The following WDFY1 variants were observed in gnomAD, a reference collection of about 807,000 sequenced individuals.
WDFY1 encodes the protein WD repeat and FYVE domain-containing protein 1.
A neutral mutation model predicts 56.4 loss-of-function variants in WDFY1; 32 were observed. The observed-to-expected ratio is 0.57, with a 90% confidence interval of 0.43 to 0.76. The LOEUF (loss-of-function observed/expected upper bound fraction) is 0.76, where lower values mean the gene tolerates loss of function less well. WDFY1 is among the 30% of genes least tolerant of loss of function. The pLI, the probability that WDFY1 is intolerant of heterozygous loss-of-function variation, is 0.00. For synonymous variants in WDFY1, 192 were observed against 197.3 expected (o/e 0.97, Z 0.23); for missense variants, 480 against 545.7 (o/e 0.88, Z 1.20).
chr2:223,880,489 C>T (rs764891306), intron 10 of WDFY1, among the ~76,000 whole-genome samples: 1 of 151,854 alleles, frequency 6.6e-6, no homozygotes, highest in African/African-American at 2.4e-5. Flanking sequence ...CGCCTGTAAT[C>T]CCAGCTACTC....
chr2:223,881,632 C>A (rs647849), intron 10 of WDFY1, among the ~76,000 whole-genome samples: 136,442 of 151,944 alleles, frequency 0.9, 61,652 homozygotes, highest in South Asian at 0.96. Context: ...TCTACTAAAA[C>A]TACAAAAATT....
intron 1 of WDFY1, among the ~76,000 whole-genome samples, chr2:223,932,413 C>T (rs1279911743): frequency 6.6e-6 from 1 of 152,134 alleles, no homozygotes; most frequent in Non-Finnish European, 1.5e-5. Context: ...TGAGCCATGG[C>T]GCCGGGTCGA....
intron 1 of WDFY1, among the ~76,000 whole-genome samples, chr2:223,941,711 G>A (rs556253295): frequency 6.6e-6 from 1 of 152,304 alleles, no homozygotes; most frequent in Non-Finnish European, 1.5e-5. Flanking sequence ...ACAGGCGTGA[G>A]CCACCTTGCC....
chr2:223,893,116 T>C (rs971431049), intron 8 of WDFY1, among the ~76,000 whole-genome samples: 1 of 152,194 alleles, frequency 6.6e-6, no homozygotes, highest in Non-Finnish European at 1.5e-5. Context: ...AGAATGTATA[T>C]ATCCTTGGAC....
At chr2:223,881,152 C>A (rs1693063821) in intron 10 of WDFY1, among the ~76,000 whole-genome samples, 1 of 152,180 alleles carries the variant, frequency 6.6e-6, no homozygotes, top group African/African-American at 2.4e-5. Flanking sequence ...GTCTTACACA[C>A]AAAGAGCAAT....
intron 1 of WDFY1, among the ~76,000 whole-genome samples, chr2:223,918,962 C>G (rs564354902): frequency 2.4e-4 from 36 of 152,332 alleles, no homozygotes; most frequent in South Asian, 1.7e-3. Context: ...TGTGCCCATG[C>G]AGGAAAATGA....
At chr2:223,901,092 T>C (rs1480116594) in intron 5 of WDFY1, 91 bp downstream of exon 5, 2 of 1,461,168 alleles carry the variant, frequency 1.4e-6, no homozygotes, top group East Asian at 2.4e-5. Flanking sequence ...TCATTCAGTC[T>C]TTAGATCTCA....
intron 1 of WDFY1, among the ~76,000 whole-genome samples, chr2:223,942,849 TAA>T (rs1447661011): frequency 6.6e-6 from 1 of 150,618 alleles, no homozygotes; most frequent in Non-Finnish European, 1.5e-5. Context: ...GGCTAACTTT[TAA>T]AGAGTGTTGT....
At chr2:223,894,895 T>C (rs752891132) in intron 7 of WDFY1, among the ~76,000 whole-genome samples, 2 of 152,182 alleles carry the variant, frequency 1.3e-5, no homozygotes, top group Non-Finnish European at 2.9e-5. Context: ...TCAGCTAATT[T>C]TCAGCTTGAC....
At chr2:223,932,844 T>C (rs1357337223) in intron 1 of WDFY1, among the ~76,000 whole-genome samples, 4 of 145,320 alleles carry the variant, frequency 2.8e-5, no homozygotes, top group Non-Finnish European at 6.0e-5. Context: ...TTTCCTAGTC[T>C]GACAGTACCT....
chr2:223,894,450 CCACT>C, intron 7 of WDFY1, 111 bp from the exon 8 acceptor site: 3 of 999,686 alleles, frequency 3.0e-6, no homozygotes, highest in Non-Finnish European at 4.6e-6. Flanking sequence ...TGGTATTTTA[CCACT>C]GACTATTTAG....
intron 1 of WDFY1, among the ~76,000 whole-genome samples, chr2:223,942,536 T>TTTTTTTTTTTTC (rs1689326167): frequency 1.1e-5 from 1 of 88,434 alleles, no homozygotes; most frequent in Non-Finnish European, 2.4e-5. Flanking sequence ...ACTTTTTTTT[T>TTTTTTTTTTTTC]TTTTTTTTTT....
rs531174064 is a variant in WDFY1 at position 223,885,296 on chromosome 2, T to A, written c.832-547A>T. Among the ~76,000 whole-genome samples the A allele has an allele frequency of 2.6e-5, 4 of 151,622 alleles. No individual in the cohort carries two copies. In the South Asian group the frequency reaches 8.4e-4, roughly 32 times the overall value. On this transcript the variant is annotated intron_variant, in intron 8 of 11. Transcript: ENST00000233055. The stretch of plus-strand genomic sequence containing the variant: ...AGCTTGATCTCTCAGGCTCAAATGA[T>A]CCTCCTGCCTCAGCCTCCCGAATAG...
chr2:223,903,471 C>T (rs1432006858), intron 4 of WDFY1, among the ~76,000 whole-genome samples: 3 of 151,152 alleles, frequency 2.0e-5, no homozygotes, highest in African/African-American at 7.3e-5. Context: ...TGCAGTGAGC[C>T]AAGATCGTGC....
At chr2:223,937,163 G>A (rs1694178860) in intron 1 of WDFY1, among the ~76,000 whole-genome samples, 1 of 152,108 alleles carries the variant, frequency 6.6e-6, no homozygotes, top group Non-Finnish European at 1.5e-5. Flanking sequence ...ATAAAGAAAA[G>A]GCATGACTCA....
chr2:223,892,415 C>T (rs1693295202), intron 8 of WDFY1, among the ~76,000 whole-genome samples: 1 of 152,158 alleles, frequency 6.6e-6, no homozygotes. Context: ...ACTTGTCTTA[C>T]AAAGTTACCA....
chr2:223,933,749 G>A (rs1394898858), intron 1 of WDFY1, among the ~76,000 whole-genome samples: 2 of 151,692 alleles, frequency 1.3e-5, no homozygotes, highest in African/African-American at 2.4e-5. Context: ...TTGAGCCCAC[G>A]AGTTCAAGAC....
intron 1 of WDFY1, among the ~76,000 whole-genome samples, chr2:223,921,797 T>G (rs942462130): frequency 6.6e-6 from 1 of 152,132 alleles, no homozygotes; most frequent in African/African-American, 2.4e-5. Flanking sequence ...TCGCTGTTTG[T>G]TTTTTAAGAA....
chr2:223,899,518 G>C (rs1693465667), intron 5 of WDFY1, among the ~76,000 whole-genome samples: 1 of 152,194 alleles, frequency 6.6e-6, no homozygotes, highest in Non-Finnish European at 1.5e-5. Context: ...GCTGAGGCGG[G>C]CAGATCACTT....
Sources: allele counts gnomAD v4.1 joint callset (sites outside exome capture counted in the v4.1 genomes callset), GRCh38; gene constraint gnomAD v4.1.1; transcripts MANE v1.5; gene names NCBI Gene and HGNC (gene_info 2026-07-23, HGNC 2026-07-21).